Variants in LACC1 observed in about 807,000 individuals in gnomAD.
LACC1 encodes the protein purine nucleoside phosphorylase LACC1.
A neutral mutation model predicts 34.8 loss-of-function variants in LACC1; 25 were observed. That is an observed-to-expected ratio of 0.72 (90% CI 0.52 to 1.00). The LOEUF (loss-of-function observed/expected upper bound fraction) is 1.00. Ranked by LOEUF, LACC1 falls within the 50% of genes least tolerant of loss-of-function variation. The pLI, the probability that LACC1 is intolerant of heterozygous loss-of-function variation, is 0.00. For missense variants in LACC1, 426 were observed against 511.2 expected (o/e 0.83, Z 1.61); for synonymous variants, 162 against 168.0 (o/e 0.96, Z 0.28).
intron 3 of LACC1, among the ~76,000 whole-genome samples, chr13:43,882,564 GATATATAT>G (rs56292789): frequency 5.7e-5 from 8 of 139,142 alleles, no homozygotes; most frequent in Non-Finnish European, 9.3e-5. Flanking sequence ...CACACGTGCA[GATATATAT>G]ATATATATAT....
intron 4 of LACC1, among the ~76,000 whole-genome samples, chr13:43,886,352 A>T (rs1955323460): frequency 6.6e-6 from 1 of 152,254 alleles, no homozygotes; most frequent in Non-Finnish European, 1.5e-5. Flanking sequence ...ACATGGAATC[A>T]ACTTAGATGC....
chr13:43,891,821 T>A lies in LACC1; in HGVS notation c.*374T>A, dbSNP rs1169451593. On this transcript the variant is annotated 3_prime_UTR_variant, in exon 7 of 7. Transcript: ENST00000325686. ...ACACAACTTTTTCCTTTGAGTCTGA[T>A]ACAGTGAAGGAGATAAACACTTCTA... 6.5e-6 allele frequency: 1 copy of A among 152,758 alleles called. No homozygotes were observed. The highest frequency in any genetic ancestry group is 1.9e-4 in the East Asian group (1 of 5,256). 9.5% of individuals were successfully genotyped at this position (152,758 alleles called of 1,614,324 possible).
intron 4 of LACC1, among the ~76,000 whole-genome samples, chr13:43,885,947 A>G (rs1015065875): frequency 2.0e-5 from 3 of 152,200 alleles, no homozygotes; most frequent in Admixed American, 6.5e-5. Context: ...GGCAAAGGAC[A>G]TGAACAAACG....
At chr13:43,882,973 A>G (rs11616803) in intron 3 of LACC1, among the ~76,000 whole-genome samples, 56,075 of 151,876 alleles carry the variant, frequency 0.37, 12,634 homozygotes, top group Non-Finnish European at 0.52. Context: ...ACACACACAC[A>G]CGTACTCATG....
chr13:43,882,473 T>A (rs1055479121), intron 3 of LACC1, 110 bp downstream of exon 3: 2 of 745,742 alleles, frequency 2.7e-6, no homozygotes, highest in Non-Finnish European at 4.2e-6. Flanking sequence ...TTATCTAAAG[T>A]TTTAGAATAA....
At position 43,891,554 on chromosome 13, in the gene LACC1, GA is replaced by G; in HGVS notation, c.*108del. 1.1e-6 allele frequency: 1 copy of G among 916,704 alleles called. No homozygotes were observed. Among genetic ancestry groups the G allele is most frequent in the African/African-American group, 1.8e-5 (1 of 55,914 alleles). 56.8% of individuals were successfully genotyped at this position (916,704 alleles called of 1,614,324 possible). A position where few individuals can be genotyped will look rare whatever the true frequency, so the allele number is the denominator to read the frequency against. ...ACTTAAAACCAAATGGATTACAATGGATAATTCATCTTTTGGGTATATTTTT... is the reference window on the plus strand; with the variant it reads ...ACTTAAAACCAAATGGATTACAATGGTAATTCATCTTTTGGGTATATTTTT... On this transcript the variant is annotated 3_prime_UTR_variant, in exon 7 of 7. Transcript: ENST00000325686.
In LACC1 at chr13:43,888,887, A is replaced by G; in HGVS notation, c.1038A>G (p.Pro346=). Residue 346 remains proline (P), a synonymous_variant, in exon 5 of 7, where the codon CCA becomes CCG. Coordinates refer to ENST00000325686, the MANE Select transcript of LACC1 (RefSeq NM_153218.4). ...TAGGACCTTGCTGTTTTACTCTTCCAAGGGAATCAGCAGAGGCATTTCATA... is the reference window on the plus strand; with the variant it reads ...TAGGACCTTGCTGTTTTACTCTTCCGAGGGAATCAGCAGAGGCATTTCATA... ...PSVGPCCFTL[P]RESAEAFHNL... 1 of 1,613,874 alleles carries G rather than the reference A, an allele frequency of 6.2e-7. No individual in the cohort carries two copies. Among genetic ancestry groups the G allele is most frequent in the South Asian group, 1.1e-5 (1 of 91,068 alleles).
rs765413793 is a variant in LACC1 at position 43,892,893 on chromosome 13, A to G, written c.*1446A>G. On this transcript the variant is annotated 3_prime_UTR_variant, in exon 7 of 7. Transcript: ENST00000325686. The stretch of plus-strand genomic sequence containing the variant: ...GGATTAAACATATTGAAACTGTTCT[A>G]TAGGCAGTGGTCATTGAGTCAGCTT... The G allele has an allele frequency of 3.9e-5, 6 of 152,240 alleles. No homozygotes were observed. The highest frequency in any genetic ancestry group is 8.8e-5 in the Non-Finnish European group (6 of 67,964). The allele number at this position is 152,240 out of a possible 1,614,324, so 9.4% of individuals were successfully genotyped here.
intron 4 of LACC1, among the ~76,000 whole-genome samples, chr13:43,886,954 C>T (rs1288426541): frequency 2.6e-5 from 4 of 151,758 alleles, no homozygotes; most frequent in African/African-American, 9.7e-5. Context: ...GAGAGGATAA[C>T]TAAGGAGGCT....
chr13:43,890,773 C>G (rs1265726494), intron 6 of LACC1, among the ~76,000 whole-genome samples: 1 of 152,082 alleles, frequency 6.6e-6, no homozygotes, highest in Non-Finnish European at 1.5e-5. Flanking sequence ...ACTAGATTTC[C>G]AAATGATTAT....
chr13:43,883,918 T>C lies in LACC1; in HGVS notation c.889T>C (p.Cys297Arg), dbSNP rs754257100. 2 of 1,612,452 alleles carry C rather than the reference T, an allele frequency of 1.2e-6. No homozygotes were observed. Among genetic ancestry groups the C allele is most frequent in the Non-Finnish European group, 8.5e-7 (1 of 1,178,986 alleles). The part of the protein sequence containing the change: ...IVFADPVKKA[C>R]GVAHAGWKGT... ...TTTTGCAGATCCAGTCAAAAAAGCA[T>C]GTGGGGTTGCTCACGCTGGTAAGTA... Residue 297 changes from cysteine to arginine, a missense_variant, in exon 4 of 7, where the codon TGT becomes CGT. By Grantham distance (180) the Cys-to-Arg change is radical. This residue lies in a region of LACC1 where 209 missense variants were observed against 300.3 expected (regional missense o/e 0.70). Coordinates refer to ENST00000325686, the MANE Select transcript of LACC1 (RefSeq NM_153218.4).
intron 4 of LACC1, among the ~76,000 whole-genome samples, chr13:43,888,549 A>G (rs1453825630): frequency 6.6e-6 from 1 of 152,162 alleles, no homozygotes; most frequent in East Asian, 1.9e-4. Flanking sequence ...TAAATGGAAG[A>G]TGAAGAAAAC....
Position 43,885,048 on chromosome 13 carries a change from A to G in LACC1, c.907+1112A>G, listed in dbSNP as rs183881574. 1.6e-3 allele frequency among the ~76,000 whole-genome samples: 249 copies of G among 152,360 alleles called. 2 individuals are homozygous for G. The highest frequency in any genetic ancestry group is 5.8e-3 in the African/African-American group (243 of 41,582). On this transcript the variant is annotated intron_variant, in intron 4 of 6. Transcript: ENST00000325686. ...ACCTAGGAATACAGTTACCTTAACCAAGGAGATTAAAGGTCTCTACAATGA... is the reference window on the plus strand; with the variant it reads ...ACCTAGGAATACAGTTACCTTAACCGAGGAGATTAAAGGTCTCTACAATGA...
At chr13:43,890,822 C>T (rs1239915414) in intron 6 of LACC1, among the ~76,000 whole-genome samples, 1 of 152,300 alleles carries the variant, frequency 6.6e-6, no homozygotes, top group East Asian at 1.9e-4. Flanking sequence ...TTTAAAATGA[C>T]AGTAAGTAGT....
chr13:43,883,916 C>G lies in LACC1; in HGVS notation c.887C>G (p.Ala296Gly), dbSNP rs1158812110. Residue 296 changes from alanine to glycine, a missense_variant, in exon 4 of 7, where the codon GCA becomes GGA. By Grantham distance (60) the Ala-to-Gly change is moderately conservative. Coordinates refer to ENST00000325686, the MANE Select transcript of LACC1 (RefSeq NM_153218.4). ...PIVFADPVKK[A>G]CGVAHAGWKG... ...GTTTTTGCAGATCCAGTCAAAAAAGCATGTGGGGTTGCTCACGCTGGTAAG... is the reference window on the plus strand; with the variant it reads ...GTTTTTGCAGATCCAGTCAAAAAAGGATGTGGGGTTGCTCACGCTGGTAAG... The G allele has an allele frequency of 1.2e-6, 2 of 1,611,988 alleles. No homozygotes were observed. Among genetic ancestry groups the G allele is most frequent in the Non-Finnish European group, 1.7e-6 (2 of 1,178,796 alleles).
In LACC1 at chr13:43,881,290, G is replaced by C; in HGVS notation, c.305G>C (p.Ser102Thr). 1 of 1,614,096 alleles carries C rather than the reference G, an allele frequency of 6.2e-7. No individual in the cohort carries two copies. The highest frequency in any genetic ancestry group is 8.5e-7 in the Non-Finnish European group (1 of 1,179,988). ...AAAATTGATGAAAAAAATCTGAGCA[G>C]CATTAAGGTAATTGTACCCAGGCAC... Reference protein sequence around the residue: ...KQKIDEKNLSSIKVIVPRHRK... With the variant: ...KQKIDEKNLSTIKVIVPRHRK... Residue 102 changes from serine (S) to threonine (T), a missense_variant, in exon 2 of 7, where the codon AGC becomes ACC. Ser to Thr is a moderately conservative substitution (Grantham distance 58). Transcript: ENST00000325686.
chr13:43,887,391 A>C (rs1418078450), intron 4 of LACC1, among the ~76,000 whole-genome samples: 2 of 152,168 alleles, frequency 1.3e-5, no homozygotes, highest in African/African-American at 4.8e-5. Flanking sequence ...ATTATTGGCC[A>C]ACCATATCAG....
rs569228545 is a variant in LACC1, at chr13:43,888,204, A to G, written c.908-553A>G. On this transcript the variant is annotated intron_variant, in intron 4 of 6. Transcript: ENST00000325686. The stretch of plus-strand genomic sequence containing the variant: ...GAAATCAGTCAGTCACAAAAAGATA[A>G]ATACTGTATTGATTTCACTTATATG... Among the ~76,000 whole-genome samples the G allele has an allele frequency of 3.9e-5, 6 of 152,288 alleles. No homozygotes were observed. The South Asian group carries it at 1.2e-3, about 32-fold the overall frequency.
In LACC1 at chr13:43,892,992, G is replaced by A. The variant is rs868139270; in HGVS notation, c.*1545G>A. The A allele has an allele frequency of 7.2e-5, 11 of 152,298 alleles. 1 individual carries two copies. The South Asian group carries it at 2.3e-3, about 32-fold the overall frequency. 9.4% of individuals were successfully genotyped at this position (152,298 alleles called of 1,614,324 possible). Reference sequence around the variant, plus strand: ...CATTTACTAGAGAAGAGAAAAAGCTGGGGACTACATCTTCAAGGAAGGGAC... The same window carrying A: ...CATTTACTAGAGAAGAGAAAAAGCTAGGGACTACATCTTCAAGGAAGGGAC... On this transcript the variant is annotated 3_prime_UTR_variant, in exon 7 of 7. Transcript: ENST00000325686.
Sources: allele counts gnomAD v4.1 joint callset (sites outside exome capture counted in the v4.1 genomes callset), GRCh38; gene constraint gnomAD v4.1.1; regional missense constraint gnomAD v4.1.1; transcripts MANE v1.5; gene names NCBI Gene and HGNC (gene_info 2026-07-23, HGNC 2026-07-21).